AKAP4: variants seen among roughly 807,000 people sequenced by gnomAD.
The protein encoded by AKAP4 is A-kinase anchoring protein 4, also known as A-kinase anchor protein 4.
In AKAP4, 4 loss-of-function variants were observed where a neutral mutation model predicts 42.6. The ratio of observed to expected loss-of-function variants is 0.09; its 90% CI spans 0.05 to 0.22. The LOEUF (loss-of-function observed/expected upper bound fraction) is 0.22, where lower values mean the gene tolerates loss of function less well. Ranked by LOEUF, AKAP4 falls within the 10% of genes least tolerant of loss-of-function variation. AKAP4 has a pLI of 1.00. For synonymous variants in AKAP4, 223 were observed against 233.0 expected, an observed-to-expected ratio of 0.96 and a Z score of 0.39; for missense variants, 551 against 630.7, an observed-to-expected ratio of 0.87 and a Z score of 1.35.
At position 50,197,546 on chromosome X, in the gene AKAP4, T is replaced by C. The variant is rs782633905; in HGVS notation, c.172A>G (p.Lys58Glu). The C allele has an allele frequency of 6.7e-6, 8 of 1,202,662 alleles. No individual in the cohort carries two copies. Among genetic ancestry groups the C allele is most frequent in the Admixed American group, 2.2e-5 (1 of 45,392 alleles). The change falls in exon 3 of 6, where the codon AAG becomes GAG. Residue 58 changes from lysine (K) to glutamate (E), a missense_variant and splice_region_variant. Transcript: ENST00000358526. ...STLNVEDKDY[K>E]DAASSSSEGN... ...GACTCTGAGCAGAGAATACGCACCT[T>C]GTAATCTTTATCTTCTACATTCAGG...
rs1223297623 is a variant in AKAP4, at chrX:50,194,227, T to C, written c.486A>G (p.Gln162=). The change falls in exon 5 of 6, where the codon CAA becomes CAG. Residue 162 remains glutamine (Q), a synonymous_variant. Coordinates refer to ENST00000358526, the MANE Select transcript of AKAP4 (RefSeq NM_003886.3). ...TGTTCATCAAATAATCTATGTTCAC[T>C]TGATCGGCATAGACACTGTAGCAGT... ...SENCYSVYAD[Q]VNIDYLMNRP... The C allele has an allele frequency of 2.5e-6, 3 of 1,208,819 alleles. No homozygotes were observed. In the African/African-American group the frequency reaches 5.3e-5, roughly 21 times the overall value.
At chrX:50,191,619 G>GGTGT (rs34737063) in intron 5 of AKAP4, among the ~76,000 whole-genome samples, 3,082 of 85,673 alleles carry the variant, frequency 0.036, 80 homozygotes, top group African/African-American at 0.09. Context: ...CTGTCAGATA[G>GGTGT]GTGTGTGTGT....
In AKAP4 at chrX:50,194,134, A is replaced by G; in HGVS notation, c.579T>C (p.Ala193=). The part of the protein sequence containing the change: ...KNTNNNQSPS[A]PPAKPPSTQR... ...GAGTGCTAGGAGGTTTGGCTGGAGG[A>G]GCTGAAGGACTTTGATTATTGTTGG... Residue 193 remains alanine, a synonymous_variant, in exon 5 of 6, where the codon GCT becomes GCC. Transcript: ENST00000358526. 4 of 1,211,650 alleles carry G rather than the reference A, an allele frequency of 3.3e-6. No individual in the cohort carries two copies. The highest frequency in any genetic ancestry group is 4.5e-6 in the Non-Finnish European group (4 of 895,474).
At chrX:50,200,317 C>T in intron 1 of AKAP4, 1 of 752,905 alleles carries the variant, frequency 1.3e-6, no homozygotes, top group South Asian at 6.8e-5. Flanking sequence ...TGAGAAGTGC[C>T]AAGTTCTTGG....
In AKAP4 at chrX:50,192,409, A is replaced by G. The variant is rs782132083; in HGVS notation, c.2304T>C (p.Asn768=). 4 of 1,206,263 alleles carry G rather than the reference A, an allele frequency of 3.3e-6. No individual in the cohort carries two copies. In the Admixed American group the frequency reaches 8.8e-5, roughly 27 times the overall value. ...CAGCCTGGAGCTGCTTCTGCAAGCT[A>G]TTTGTAGAGCACTGATTATTGACAA... ...EVIVNNQCST[N]SLQKQLQAVL... is the part of the protein sequence containing the mutation. Residue 768 remains asparagine (N), a synonymous_variant, in exon 5 of 6, where the codon AAT becomes AAC. Transcript: ENST00000358526.
In AKAP4 at chrX:50,200,186, A is replaced by G. The variant is rs1182457403; in HGVS notation, c.27+677T>C. The G allele has an allele frequency of 5.4e-6, 4 of 746,849 alleles. No individual in the cohort carries two copies. In the African/African-American group the frequency reaches 9.4e-5, roughly 18 times the overall value. The allele number at this position is 746,849 out of a possible 1,213,427, so 61.5% of individuals were successfully genotyped here. A position where few individuals can be genotyped will look rare whatever the true frequency, so the allele number is the denominator to read the frequency against. ...TGTGATTCAGAAACAGCCTAAGTCC[A>G]AGTCCAAAAGAACTGTGAAAAATAA... On this transcript the variant is annotated intron_variant, in intron 1 of 5. Transcript: ENST00000358526.
In AKAP4 at chrX:50,197,608, G is replaced by C. The variant is rs782712530; in HGVS notation, c.124-14C>G. 8.4e-7 allele frequency: 1 copy of C among 1,197,396 alleles called. No homozygotes were observed. The highest frequency in any genetic ancestry group is 1.1e-6 in the Non-Finnish European group (1 of 884,335). On this transcript the variant is annotated splice_polypyrimidine_tract_variant and intron_variant, in intron 2 of 5. Transcript: ENST00000358526. Reference sequence around the variant, plus strand: ...GACAAAGCATATCTGCATCAAATTAGAAGGGTGAATTTAGAAAAACTCTAG... The same window carrying C: ...GACAAAGCATATCTGCATCAAATTACAAGGGTGAATTTAGAAAAACTCTAG...
chrX:50,196,531 A>G (rs1557204363), intron 4 of AKAP4, among the ~76,000 whole-genome samples: 1 of 111,590 alleles, frequency 9.0e-6, no homozygotes, highest in Admixed American at 9.5e-5. Context: ...GTGGTTATGG[A>G]TTGTCTCTGC....
At chrX:50,194,482 T>C in intron 4 of AKAP4, 46 bp from the exon 5 acceptor site, 1 of 1,018,309 alleles carries the variant, frequency 9.8e-7, no homozygotes, top group Non-Finnish European at 1.3e-6. Context: ...GGTAGGCTAC[T>C]TTTTTCCCTT....
chrX:50,192,479 C>T lies in AKAP4; in HGVS notation c.2234G>A (p.Gly745Asp), dbSNP rs1557203747. Reference sequence around the variant, plus strand: ...GTCTTGATAGTTCTGTGGCATTGCACCACTGTGAATGCATCTGGTGCCCCT... The same window carrying T: ...GTCTTGATAGTTCTGTGGCATTGCATCACTGTGAATGCATCTGGTGCCCCT... ...NFRGTRCIHS[G>D]AMPQNYQDSL... is the part of the protein sequence containing the mutation. The change falls in exon 5 of 6, where the codon GGT (glycine) becomes GAT (aspartate). Residue 745 changes from glycine (G) to aspartate (D), a missense_variant. By Grantham distance (94) the Gly-to-Asp change is moderately conservative. Transcript: ENST00000358526. The T allele has an allele frequency of 1.7e-6, 2 of 1,208,876 alleles. No homozygotes were observed. The highest frequency in any genetic ancestry group is 4.4e-5 in the Admixed American group (2 of 45,591).
intron 4 of AKAP4, among the ~76,000 whole-genome samples, chrX:50,195,276 T>C (rs1335227092): frequency 8.9e-6 from 1 of 112,148 alleles, no homozygotes; most frequent in Non-Finnish European, 1.9e-5. Context: ...TATTTGACCA[T>C]GTGTATGTCA....
intron 5 of AKAP4, among the ~76,000 whole-genome samples, chrX:50,191,545 G>T (rs781901111): frequency 6.6e-4 from 72 of 109,033 alleles, no homozygotes; most frequent in African/African-American, 2.4e-3. Flanking sequence ...CTTGGCTCCT[G>T]GACTGAAAAT....
rs1557203750 is a variant in AKAP4 at position 50,192,497 on chromosome X, G to A, written c.2216C>T (p.Thr739Ile). 2.5e-6 allele frequency: 3 copies of A among 1,209,440 alleles called. No individual in the cohort carries two copies. The highest frequency in any genetic ancestry group is 3.0e-5 in the East Asian group (1 of 33,727). Residue 739 changes from threonine to isoleucine, a missense_variant, in exon 5 of 6, where the codon ACC (threonine) becomes ATC (isoleucine). Thr to Ile is a moderately conservative substitution (Grantham distance 89). Coordinates refer to ENST00000358526, the MANE Select transcript of AKAP4 (RefSeq NM_003886.3). ...ASANKPNFRG[T>I]RCIHSGAMPQ... ...CATTGCACCACTGTGAATGCATCTG[G>A]TGCCCCTGAAATTGGGCTTATTTGC...
chrX:50,192,969 T>C lies in AKAP4; in HGVS notation c.1744A>G (p.Thr582Ala), dbSNP rs1557203878. 2.5e-6 allele frequency: 3 copies of C among 1,209,954 alleles called. No homozygotes were observed. The East Asian group carries it at 8.9e-5, about 36-fold the overall frequency. The change falls in exon 5 of 6, where the codon ACT (threonine) becomes GCT (alanine). Residue 582 changes from threonine to alanine, a missense_variant. Transcript: ENST00000358526. ...CCACCTCCACACTTTTCATATTGAG[T>C]ACTCTGAGCCATATAGCCCATGGTG... ...GSTMGYMAQSTQYEKCGGGQS... is the reference protein window; with the variant it reads ...GSTMGYMAQSAQYEKCGGGQS...
chrX:50,198,515 T>C lies in AKAP4; in HGVS notation c.123+142A>G, dbSNP rs61356469. 8.2e-4 allele frequency: 353 copies of C among 430,878 alleles called. 2 individuals carry two copies. Among genetic ancestry groups the C allele is most frequent in the African/African-American group, 7.7e-3 (309 of 40,274 alleles). The allele number at this position is 430,878 out of a possible 1,213,427, so 35.5% of individuals were successfully genotyped here. ...ATCTCTGTGTGATGTATGAGCATGC[T>C]GGCCCCTGACAGACCTTGTTGAGCT... On this transcript the variant is annotated intron_variant, in intron 2 of 5. Transcript: ENST00000358526.
In AKAP4 at chrX:50,200,992, T is replaced by C; in HGVS notation, c.-103A>G. 1.2e-6 allele frequency: 1 copy of C among 827,836 alleles called. No homozygotes were observed. The highest frequency in any genetic ancestry group is 2.2e-5 in the South Asian group (1 of 44,980). 68.2% of individuals were successfully genotyped at this position (827,836 alleles called of 1,213,427 possible). On this transcript the variant is annotated 5_prime_UTR_variant, in exon 1 of 6. Transcript: ENST00000358526. ...TTTTCTTCAACTCTCCATGCCCTCCTACAGCCTTGACTGCCAGCTGGTACC... is the reference window on the plus strand; with the variant it reads ...TTTTCTTCAACTCTCCATGCCCTCCCACAGCCTTGACTGCCAGCTGGTACC...
rs941219399 is a variant in AKAP4 at position 50,200,290 on chromosome X, G to T, written c.27+573C>A. On this transcript the variant is annotated intron_variant, in intron 1 of 5. Coordinates refer to ENST00000358526, the MANE Select transcript of AKAP4 (RefSeq NM_003886.3). ...AACGTGACACCCAGAAGGGAGATGT[G>T]CCCCTTTAGATGGAACTGAGAAGTG... The T allele has an allele frequency of 1.7e-5, 13 of 751,945 alleles. No homozygotes were observed. In the Admixed American group the frequency reaches 3.5e-4, roughly 20 times the overall value. 62.0% of individuals were successfully genotyped at this position (751,945 alleles called of 1,213,427 possible). A position where few individuals can be genotyped will look rare whatever the true frequency, so the allele number is the denominator to read the frequency against.
rs1399185883 is a variant in AKAP4 at position 50,197,522 on chromosome X, ACT to A, written c.174+20_174+21del. ...TCTCAGCAGCTTCCCACCGATTCTG[ACT>A]CTGAGCAGAGAATACGCACCTTGTA... On this transcript the variant is annotated intron_variant, in intron 3 of 5. Transcript: ENST00000358526. 8.5e-7 allele frequency: 1 copy of A among 1,180,700 alleles called. No individual in the cohort carries two copies. The highest frequency in any genetic ancestry group is 1.1e-6 in the Non-Finnish European group (1 of 875,616).
chrX:50,193,239 T>G lies in AKAP4; in HGVS notation c.1474A>C (p.Ser492Arg). The part of the protein sequence containing the change: ...MKSDPCKSLT[S>R]AEKVGEHILK... ...ATGTGTTCACCGACTTTCTCAGCACTAGTCAGTGACTTGCATGGGTCTGAT... is the reference window on the plus strand; with the variant it reads ...ATGTGTTCACCGACTTTCTCAGCACGAGTCAGTGACTTGCATGGGTCTGAT... Residue 492 changes from serine to arginine, a missense_variant, in exon 5 of 6, where the codon AGT (serine) becomes CGT (arginine). By Grantham distance (110) the Ser-to-Arg change is moderately radical. Transcript: ENST00000358526. 1 of 1,211,913 alleles carries G rather than the reference T, an allele frequency of 8.3e-7. No individual in the cohort carries two copies. Among genetic ancestry groups the G allele is most frequent in the Non-Finnish European group, 1.1e-6 (1 of 895,457 alleles).
Sources: gnomAD v4.1 joint callset for allele counts (sites outside exome capture counted in the v4.1 genomes callset) on GRCh38, gnomAD v4.1.1 for gene constraint, MANE v1.5 for transcripts, NCBI Gene and HGNC (gene_info 2026-07-23, HGNC 2026-07-21) for gene names.